Variants in LGR6 observed in about 807,000 individuals in gnomAD.
The protein encoded by LGR6 is leucine-rich repeat-containing G protein-coupled receptor 6.
Under a neutral mutation model 69.4 loss-of-function variants are expected in LGR6, and 45 were observed. The ratio of observed to expected loss-of-function variants is 0.65; its 90% confidence interval spans 0.51 to 0.83. LGR6 has a LOEUF of 0.83. Ranked by LOEUF, LGR6 falls within the 40% of genes least tolerant of loss-of-function variation. The pLI, the probability that LGR6 is intolerant of heterozygous loss-of-function variation, is 0.00. For synonymous variants in LGR6, 538 were observed against 555.0 expected (o/e 0.97, Z 0.43); for missense variants, 1,108 against 1,246.7 (o/e 0.89, Z 1.68).
chr1:202,312,439 C>G (rs576165989), intron 16 of LGR6, among the ~76,000 whole-genome samples: 1 of 152,340 alleles, frequency 6.6e-6, no homozygotes, highest in East Asian at 1.9e-4. Flanking sequence ...CAGCCTCCGA[C>G]CTGCCCTGAT....
intron 1 of LGR6, among the ~76,000 whole-genome samples, chr1:202,208,287 C>T (rs1244717767): frequency 6.6e-6 from 1 of 152,160 alleles, no homozygotes; most frequent in East Asian, 1.9e-4. Flanking sequence ...GACAAGTCCT[C>T]TGATGCCTTT....
At chr1:202,276,084 A>G (rs1431187926) in intron 4 of LGR6, among the ~76,000 whole-genome samples, 1 of 152,090 alleles carries the variant, frequency 6.6e-6, no homozygotes, top group Non-Finnish European at 1.5e-5. Flanking sequence ...ACAGAGCGAG[A>G]CTCTGTCTCC....
chr1:202,317,891 G>T, intron 17 of LGR6, 61 bp from the exon 18 acceptor site: 1 of 1,471,460 alleles, frequency 6.8e-7, no homozygotes, highest in Admixed American at 2.0e-5. Context: ...GCTGACCTTG[G>T]TCCTGAAGAC....
At chr1:202,274,535 C>G (rs948985786) in intron 4 of LGR6, among the ~76,000 whole-genome samples, 1 of 152,238 alleles carries the variant, frequency 6.6e-6, no homozygotes, top group African/African-American at 2.4e-5. Context: ...AGCATCAGAT[C>G]TGGAAAACCT....
chr1:202,318,897 AT>A lies in LGR6; in HGVS notation c.2596del (p.Ser866LeufsTer6). On this transcript the variant is annotated frameshift_variant, in exon 18 of 18. Coordinates refer to ENST00000367278, the MANE Select transcript of LGR6 (RefSeq NM_001017403.2). LOFTEE classifies it low-confidence loss of function (END_TRUNC). ...AAGELEKSSC[D>X]STQALVAFSD... is the part of the protein sequence containing the mutation. ...GGGGAGCTGGAGAAGAGCTCCTGTG[AT>A]TCTACCCAGGCCCTGGTAGCCTTCT... 6.2e-7 allele frequency: 1 copy of A among 1,614,092 alleles called. No homozygotes were observed. Among genetic ancestry groups the A allele is most frequent in the Non-Finnish European group, 8.5e-7 (1 of 1,179,968 alleles).
chr1:202,224,031 T>G (rs1348339123), intron 1 of LGR6, among the ~76,000 whole-genome samples: 1 of 151,876 alleles, frequency 6.6e-6, no homozygotes, highest in Non-Finnish European at 1.5e-5. Context: ...CTGCCCTATT[T>G]TTATAGATGA....
chr1:202,265,788 C>G (rs183526117), intron 4 of LGR6, among the ~76,000 whole-genome samples: 1 of 152,136 alleles, frequency 6.6e-6, no homozygotes, highest in Non-Finnish European at 1.5e-5. Flanking sequence ...CTGAAAGTGC[C>G]CATAACTGGA....
At chr1:202,303,472 T>A in intron 10 of LGR6, 125 bp downstream of exon 10, 3 of 733,938 alleles carry the variant, frequency 4.1e-6, no homozygotes, top group Non-Finnish European at 7.1e-6. Flanking sequence ...CTGTCTCTAC[T>A]ACTGGCTCCA....
chr1:202,317,438 G>A (rs1310820049), intron 17 of LGR6, among the ~76,000 whole-genome samples: 1 of 151,672 alleles, frequency 6.6e-6, no homozygotes, highest in Admixed American at 6.6e-5. Context: ...TCCGTCCCCC[G>A]GGTTCAAGTG....
At position 202,225,492 on chromosome 1, in the gene LGR6, G is replaced by T. The variant is rs763306515; in HGVS notation, c.282G>T (p.Glu94Asp). Residue 94 changes from glutamate to aspartate, a missense_variant and splice_region_variant, in exon 2 of 18, where the codon GAG (glutamate) becomes GAT (aspartate). By Grantham distance (45) the Glu-to-Asp change is conservative. Coordinates refer to ENST00000367278, the MANE Select transcript of LGR6 (RefSeq NM_001017403.2). ...TCCACCACCTGCGCTTCTTGGAGGA[G>T]CTGTGAGTAGATGCTTTGCAGGGTG... ...GLFHHLRFLEELRLSGNHLSH... is the reference protein window; with the variant it reads ...GLFHHLRFLEDLRLSGNHLSH... 6.2e-7 allele frequency: 1 copy of T among 1,613,406 alleles called. No individual in the cohort carries two copies. Among genetic ancestry groups the T allele is most frequent in the East Asian group, 2.2e-5 (1 of 44,886 alleles).
At position 202,307,236 on chromosome 1, in the gene LGR6, G is replaced by A. The variant is rs114790769; in HGVS notation, c.1209-94G>A. On this transcript the variant is annotated intron_variant, in intron 13 of 17. Coordinates refer to ENST00000367278, the MANE Select transcript of LGR6 (RefSeq NM_001017403.2). ...CAAAGGTTACTGTTACTGGGGGCAG[G>A]TCAGATGGGGGTATGTGAGGGGGAG... The A allele has an allele frequency of 7.3e-4, 899 of 1,228,540 alleles. 4 individuals are homozygous for A. In the African/African-American group the frequency reaches 0.012, roughly 16 times the overall value. 76.1% of individuals were successfully genotyped at this position (1,228,540 alleles called of 1,614,324 possible). A position where few individuals can be genotyped will look rare whatever the true frequency, so the allele number is the denominator to read the frequency against.
At position 202,203,598 on chromosome 1, in the gene LGR6, T is replaced by C. The variant is rs577111680; in HGVS notation, c.212+9397T>C. 5 of 566,168 alleles carry C rather than the reference T, an allele frequency of 8.8e-6. No homozygotes were observed. In the East Asian group the frequency reaches 1.1e-4, roughly 13 times the overall value. The allele number at this position is 566,168 out of a possible 1,614,324, so 35.1% of individuals were successfully genotyped here. ...GTTCATGTGACAAATGTGGATTGAA[T>C]GCTTGCCCTCTTTCCTCTCCCCTGG... On this transcript the variant is annotated intron_variant, in intron 1 of 17. Transcript: ENST00000367278.
intron 4 of LGR6, among the ~76,000 whole-genome samples, chr1:202,239,243 C>T (rs72748706): frequency 0.058 from 8,831 of 152,126 alleles, 297 homozygotes; most frequent in South Asian, 0.098. Flanking sequence ...GGTTACTCAT[C>T]CCTTCAAGCT....
rs890478642 is a variant in LGR6 at position 202,314,931 on chromosome 1, A to G, written c.1648+49A>G. 2.2e-6 allele frequency: 3 copies of G among 1,342,234 alleles called. No individual in the cohort carries two copies. The African/African-American group carries it at 4.3e-5, about 19-fold the overall frequency. The allele number at this position is 1,342,234 out of a possible 1,614,324, so 83.1% of individuals were successfully genotyped here. ...GGACGAGGGGGAATGGAGAAAGGGC[A>G]CCCAACCACCTAGTTGAGGTATTAG... On this transcript the variant is annotated intron_variant, in intron 17 of 17. Coordinates refer to ENST00000367278, the MANE Select transcript of LGR6 (RefSeq NM_001017403.2).
intron 1 of LGR6, among the ~76,000 whole-genome samples, chr1:202,199,670 G>A (rs1217782657): frequency 1.3e-5 from 2 of 151,894 alleles, no homozygotes; most frequent in Admixed American, 6.5e-5. Flanking sequence ...GCCCCCCGGG[G>A]GAGAGACACA....
intron 1 of LGR6, among the ~76,000 whole-genome samples, chr1:202,215,694 A>C (rs1659728876): frequency 6.6e-6 from 1 of 152,170 alleles, no homozygotes; most frequent in Non-Finnish European, 1.5e-5. Flanking sequence ...TCCCTTGTCC[A>C]GGACCCGCAG....
intron 4 of LGR6, among the ~76,000 whole-genome samples, chr1:202,241,738 G>T (rs1034994946): frequency 6.6e-6 from 1 of 152,098 alleles, no homozygotes; most frequent in East Asian, 1.9e-4. Flanking sequence ...TGGGTCCTGG[G>T]GAGCTCCGGT....
chr1:202,245,289 C>G (rs564772979), intron 4 of LGR6, among the ~76,000 whole-genome samples: 1 of 97,582 alleles, frequency 1.0e-5, no homozygotes, highest in East Asian at 3.3e-4. Context: ...GGGGCAGAGG[C>G]TGCTCTGAGG....
At chr1:202,212,378 T>TCCC in intron 1 of LGR6, among the ~76,000 whole-genome samples, 2 of 152,238 alleles carry the variant, frequency 1.3e-5, no homozygotes, top group South Asian at 4.1e-4. Context: ...TGCTGATTGT[T>TCCC]CCCCGCTTAC....
Sources: allele counts gnomAD v4.1 joint callset (sites outside exome capture counted in the v4.1 genomes callset), GRCh38; gene constraint gnomAD v4.1.1; transcripts MANE v1.5; gene names NCBI Gene and HGNC (gene_info 2026-07-23, HGNC 2026-07-21).